FAM13A: variants seen among roughly 807,000 people sequenced by gnomAD.
FAM13A encodes the protein family with sequence similarity 13 member A.
A neutral mutation model predicts 129.6 loss-of-function variants in FAM13A; 76 were observed. That is an observed-to-expected ratio of 0.59 (90% CI 0.49 to 0.71). FAM13A has a LOEUF of 0.71. Among genes scored for constraint, FAM13A ranks in the 30% least tolerant of loss-of-function variants. The pLI is 0.00. For synonymous variants in FAM13A, 443 were observed against 449.9 expected (o/e 0.98, Z 0.20); for missense variants, 1,108 against 1,249.3 (o/e 0.89, Z 1.70).
chr4:88,840,055 C>T (rs1007314784), intron 7 of FAM13A, among the ~76,000 whole-genome samples: 1 of 151,940 alleles, frequency 6.6e-6, no homozygotes, highest in African/African-American at 2.4e-5. Flanking sequence ...TGAGAAGTCT[C>T]GAAAAGAAGA....
intron 5 of FAM13A, among the ~76,000 whole-genome samples, chr4:88,921,220 G>A (rs1438495309): frequency 3.3e-5 from 5 of 151,660 alleles, no homozygotes; most frequent in East Asian, 1.9e-4. Context: ...GATACTCCTC[G>A]AGAAGAGCAA....
intron 3 of FAM13A, among the ~76,000 whole-genome samples, chr4:89,011,793 T>G (rs1186867379): frequency 6.6e-6 from 1 of 152,230 alleles, no homozygotes; most frequent in African/African-American, 2.4e-5. Flanking sequence ...CAAAGTGTTT[T>G]CTGACCACCA....
intron 3 of FAM13A, among the ~76,000 whole-genome samples, chr4:89,018,809 CAA>C (rs1249073078): frequency 6.6e-6 from 1 of 152,206 alleles, no homozygotes; most frequent in East Asian, 1.9e-4. Flanking sequence ...TAAAACTCGT[CAA>C]AGAGTCTAAC....
intron 4 of FAM13A, among the ~76,000 whole-genome samples, chr4:88,988,785 C>A (rs1301442803): frequency 1.3e-5 from 2 of 151,888 alleles, no homozygotes; most frequent in African/African-American, 2.4e-5. Flanking sequence ...AATAAATAGA[C>A]AAAAAGCTCG....
chr4:89,025,242 A>ACTGTTTTTTT (rs1767774329), intron 2 of FAM13A, among the ~76,000 whole-genome samples: 1 of 55,454 alleles, frequency 1.8e-5, no homozygotes, highest in African/African-American at 5.9e-5. Context: ...CCATGGAATC[A>ACTGTTTTTTT]TTGTTTTTTT....
At chr4:88,902,677 C>A (rs1747477336) in intron 6 of FAM13A, among the ~76,000 whole-genome samples, 1 of 152,178 alleles carries the variant, frequency 6.6e-6, no homozygotes, top group Non-Finnish European at 1.5e-5. Context: ...AAGCTGGAAG[C>A]ATTCCCGTTG....
chr4:88,768,169 T>C, intron 11 of FAM13A, 110 bp from the exon 12 acceptor site: 1 of 573,286 alleles, frequency 1.7e-6, no homozygotes, highest in South Asian at 2.8e-5. Context: ...TATAAACTAA[T>C]TCTAGTCCTC....
chr4:88,907,284 A>AT (rs1011448441), intron 5 of FAM13A, among the ~76,000 whole-genome samples: 5 of 152,162 alleles, frequency 3.3e-5, no homozygotes, highest in African/African-American at 1.2e-4. Flanking sequence ...AGTCAGTCAG[A>AT]TTTTTTTCAC....
chr4:89,042,886 ACT>A (rs1201417458), intron 1 of FAM13A, among the ~76,000 whole-genome samples: 2 of 152,214 alleles, frequency 1.3e-5, no homozygotes, highest in Non-Finnish European at 2.9e-5. Context: ...ATTAAAAAAG[ACT>A]CTATGTACTT....
intron 14 of FAM13A, among the ~76,000 whole-genome samples, chr4:88,753,406 T>C (rs539406642): frequency 2.0e-5 from 3 of 152,356 alleles, no homozygotes; most frequent in South Asian, 4.1e-4. Context: ...ATGTGTCCTT[T>C]TCCTAGCGTC....
At chr4:88,796,571 A>G (rs950393483) in intron 8 of FAM13A, among the ~76,000 whole-genome samples, 17 of 151,928 alleles carry the variant, frequency 1.1e-4, no homozygotes, top group African/African-American at 4.1e-4. Context: ...AAATGTGTTT[A>G]CTTGTTTACC....
intron 5 of FAM13A, among the ~76,000 whole-genome samples, chr4:88,909,515 T>C (rs193253352): frequency 4.0e-5 from 6 of 150,804 alleles, no homozygotes; most frequent in African/African-American, 1.2e-4. Flanking sequence ...TGAGATGGAG[T>C]CTCGCTCTGT....
At chr4:88,767,057 T>C (rs1745824879) in intron 13 of FAM13A, among the ~76,000 whole-genome samples, 1 of 152,114 alleles carries the variant, frequency 6.6e-6, no homozygotes, top group Non-Finnish European at 1.5e-5. Context: ...AACTTGAAGA[T>C]ACAGATGACA....
At chr4:88,955,431 G>T (rs1444873689) in intron 4 of FAM13A, among the ~76,000 whole-genome samples, 1 of 152,136 alleles carries the variant, frequency 6.6e-6, no homozygotes, top group African/African-American at 2.4e-5. Context: ...AAATTACCCA[G>T]TCTCGGGTAT....
intron 4 of FAM13A, among the ~76,000 whole-genome samples, chr4:88,989,467 T>C (rs1762681195): frequency 6.6e-6 from 1 of 152,082 alleles, no homozygotes; most frequent in Admixed American, 6.5e-5. Flanking sequence ...TTGGGCATGA[T>C]GGCATGTGCC....
At chr4:89,044,524 C>T (rs1770584326) in intron 1 of FAM13A, among the ~76,000 whole-genome samples, 1 of 152,114 alleles carries the variant, frequency 6.6e-6, no homozygotes, top group African/African-American at 2.4e-5. Context: ...CTAAATGGTT[C>T]CTCAAAAAGT....
intron 5 of FAM13A, among the ~76,000 whole-genome samples, chr4:88,921,191 A>G (rs1268251361): frequency 2.0e-5 from 3 of 152,002 alleles, no homozygotes; most frequent in Non-Finnish European, 4.4e-5. Flanking sequence ...GATTCAGGAA[A>G]TACAGAGAAC....
intron 5 of FAM13A, among the ~76,000 whole-genome samples, chr4:88,932,664 G>A (rs1753226012): frequency 6.6e-6 from 1 of 152,164 alleles, no homozygotes; most frequent in Non-Finnish European, 1.5e-5. Flanking sequence ...AAGTTTCTGT[G>A]ATATATCAGT....
intron 5 of FAM13A, among the ~76,000 whole-genome samples, chr4:88,918,967 C>T (rs1352202413): frequency 6.6e-6 from 1 of 152,194 alleles, no homozygotes. Flanking sequence ...ATGAGGAGGG[C>T]TCCTCAACCC....
Sources: gnomAD v4.1 joint callset for allele counts (sites outside exome capture counted in the v4.1 genomes callset) on GRCh38, gnomAD v4.1.1 for gene constraint, MANE v1.5 for transcripts, NCBI Gene and HGNC (gene_info 2026-07-23, HGNC 2026-07-21) for gene names.